The following KIF16B variants were observed in gnomAD, a reference collection of about 807,000 sequenced individuals.
The protein encoded by KIF16B is kinesin-like protein KIF16B.
In KIF16B, 98 loss-of-function variants were observed where a neutral mutation model predicts 156.3. That is an observed-to-expected ratio of 0.63 (90% CI 0.53 to 0.74). KIF16B has a LOEUF of 0.74. Among genes scored for constraint, KIF16B ranks in the 30% least tolerant of loss-of-function variants. The pLI is 0.00. For missense variants in KIF16B, 1,421 were observed against 1,606.5 expected, an observed-to-expected ratio of 0.88 and a Z score of 1.97; for synonymous variants, 564 against 583.7, an observed-to-expected ratio of 0.97 and a Z score of 0.49.
At chr20:16,291,544 A>G (rs6034445) in intron 25 of KIF16B, among the ~76,000 whole-genome samples, 51,713 of 152,120 alleles carry the variant, frequency 0.34, 8,943 homozygotes, top group African/African-American at 0.41. Context: ...GAGTTAAAAC[A>G]AAGTACTGGC....
intron 25 of KIF16B, among the ~76,000 whole-genome samples, chr20:16,277,920 C>T (rs1002205314): frequency 9.9e-5 from 15 of 152,198 alleles, no homozygotes; most frequent in African/African-American, 3.6e-4. Flanking sequence ...TCTTGTTCAC[C>T]TGGTGGACAG....
At position 16,273,231 on chromosome 20, in the gene KIF16B, G is replaced by A. The variant is rs1255526635; in HGVS notation, c.*22C>T. ...TTCGACGAGAAGGCACTGCTGTGGT[G>A]GTTCCTCCATCACCCCTGGCTCTAC... On this transcript the variant is annotated 3_prime_UTR_variant, in exon 26 of 26. Transcript: ENST00000354981. The A allele has an allele frequency of 6.2e-7, 1 of 1,609,520 alleles. No individual in the cohort carries two copies. Among genetic ancestry groups the A allele is most frequent in the East Asian group, 2.2e-5 (1 of 44,862 alleles).
intron 25 of KIF16B, among the ~76,000 whole-genome samples, chr20:16,297,871 GC>G (rs2063414163): frequency 6.6e-6 from 1 of 151,962 alleles, no homozygotes. Context: ...CCTAGTTTAG[GC>G]CACAATCATG....
chr20:16,554,152 A>C (rs6111175), intron 1 of KIF16B, among the ~76,000 whole-genome samples: 124,793 of 152,138 alleles, frequency 0.82, 51,639 homozygotes, highest in African/African-American at 0.94. Context: ...TGAGGAGGAC[A>C]TGAAGCCTGC....
chr20:16,477,133 T>TA (rs2067838293), intron 12 of KIF16B, among the ~76,000 whole-genome samples: 1 of 149,500 alleles, frequency 6.7e-6, no homozygotes, highest in African/African-American at 2.5e-5. Context: ...TGGGTCTACC[T>TA]AAAAAATTCT....
At chr20:16,336,542 G>A in intron 23 of KIF16B, among the ~76,000 whole-genome samples, 1 of 152,114 alleles carries the variant, frequency 6.6e-6, no homozygotes, top group Admixed American at 6.5e-5. Flanking sequence ...CTAAAGCACA[G>A]GCCAATGAAT....
rs139982271 is a variant in KIF16B, at chr20:16,378,931, G to A, written c.3071C>T (p.Thr1024Ile). 211 of 1,614,102 alleles carry A rather than the reference G, an allele frequency of 1.3e-4. No individual in the cohort carries two copies. The highest frequency in any genetic ancestry group is 7.8e-4 in the Admixed American group (47 of 60,026). ...CTGCTCTTCAATCTCCATGCCCAGGGTGGAGTGCCTCTGCAGCGCAGAATG... is the reference window on the plus strand; with the variant it reads ...CTGCTCTTCAATCTCCATGCCCAGGATGGAGTGCCTCTGCAGCGCAGAATG... The part of the protein sequence containing the change: ...RRHSALQRHS[T>I]LGMEIEEQRQ... The change falls in exon 19 of 26, where the codon ACC becomes ATC. Residue 1024 changes from threonine to isoleucine, a missense_variant. Physicochemically the swap from Thr to Ile is moderately conservative, Grantham distance 89. Coordinates refer to ENST00000354981, the MANE Select transcript of KIF16B (RefSeq NM_024704.5).
chr20:16,307,360 T>G (rs2063555913), intron 25 of KIF16B, among the ~76,000 whole-genome samples: 1 of 152,166 alleles, frequency 6.6e-6, no homozygotes, highest in African/African-American at 2.4e-5. Flanking sequence ...CTCATTAACT[T>G]GGGGCTAATT....
rs1237247610 is a variant in KIF16B, at chr20:16,371,710, A to T, written c.3402T>A (p.His1134Gln). 1 of 1,613,914 alleles carries T rather than the reference A, an allele frequency of 6.2e-7. No individual in the cohort carries two copies. The change falls in exon 21 of 26, where the codon CAT becomes CAA. Residue 1134 changes from histidine to glutamine, a missense_variant. Transcript: ENST00000354981. ...TACTGCAGCCTTCACTAATCACACG[A>T]TGCAAATCCTGAAGGCGTCTTTGGA... ...EEVQRRLQDLHRVISEGCSTS... is the reference protein window; with the variant it reads ...EEVQRRLQDLQRVISEGCSTS...
chr20:16,366,985 A>C, intron 22 of KIF16B: 3 of 1,308,132 alleles, frequency 2.3e-6, no homozygotes, highest in Non-Finnish European at 1.9e-6. Context: ...TTTATTGTAG[A>C]TATTTAAAAT....
rs143980864 is a variant in KIF16B at position 16,444,513 on chromosome 20, A to G, written c.1303-14531T>C. On this transcript the variant is annotated intron_variant, in intron 12 of 25. Coordinates refer to ENST00000354981, the MANE Select transcript of KIF16B (RefSeq NM_024704.5). ...AAATTGCCTGCTGCTTTTTGCTATC[A>G]TGGTGTAGTACCGTGGAGTACTTGC... Among the ~76,000 whole-genome samples, 1,259 of 152,278 alleles carry G rather than the reference A, an allele frequency of 8.3e-3. 7 individuals are homozygous for G. The highest frequency in any genetic ancestry group is 0.017 in the Middle Eastern group (5 of 294).
intron 23 of KIF16B, among the ~76,000 whole-genome samples, chr20:16,338,659 T>C (rs2064084651): frequency 6.6e-6 from 1 of 152,148 alleles, no homozygotes; most frequent in Non-Finnish European, 1.5e-5. Context: ...CTACTCTTGT[T>C]AAAACCAACT....
intron 11 of KIF16B, among the ~76,000 whole-genome samples, chr20:16,497,393 T>A (rs1340050928): frequency 6.6e-6 from 1 of 152,156 alleles, no homozygotes; most frequent in East Asian, 1.9e-4. Flanking sequence ...TAACTAACCA[T>A]CATGTGCCAG....
intron 17 of KIF16B, among the ~76,000 whole-genome samples, chr20:16,394,687 G>A (rs999599815): frequency 6.6e-6 from 1 of 151,824 alleles, no homozygotes; most frequent in Non-Finnish European, 1.5e-5. Flanking sequence ...CATAAATACT[G>A]CCAACTCCAT....
rs557552856 is a variant in KIF16B, at chr20:16,280,413, G to T, written c.3796-7002C>A. Among the ~76,000 whole-genome samples, 41 of 152,372 alleles carry T rather than the reference G, an allele frequency of 2.7e-4. No individual in the cohort carries two copies. In the Middle Eastern group the frequency reaches 0.01, roughly 38 times the overall value. On this transcript the variant is annotated intron_variant, in intron 25 of 25. Transcript: ENST00000354981. ...CAAGTTCAGCTAACAGTCTGAGCAA[G>T]AGAGCAAGGCCAAGGCCAGCCTGTG...
chr20:16,496,547 C>A (rs1418338599), intron 11 of KIF16B, among the ~76,000 whole-genome samples: 1 of 152,150 alleles, frequency 6.6e-6, no homozygotes, highest in East Asian at 1.9e-4. Context: ...CAGCAAAAAA[C>A]TAGATGATAA....
At chr20:16,479,766 C>T (rs2067926217) in intron 12 of KIF16B, among the ~76,000 whole-genome samples, 1 of 152,132 alleles carries the variant, frequency 6.6e-6, no homozygotes, top group Non-Finnish European at 1.5e-5. Context: ...ATAGGCCATA[C>T]CATATAGCCT....
At chr20:16,519,135 T>C (rs960717995) in intron 3 of KIF16B, among the ~76,000 whole-genome samples, 6 of 152,168 alleles carry the variant, frequency 3.9e-5, no homozygotes, top group Admixed American at 2.6e-4. Flanking sequence ...TTAAACAACA[T>C]AGCACATATG....
chr20:16,563,312 T>C (rs1001620947), intron 1 of KIF16B, among the ~76,000 whole-genome samples: 3 of 152,096 alleles, frequency 2.0e-5, no homozygotes, highest in African/African-American at 7.2e-5. Flanking sequence ...CCTGGAAGGA[T>C]TTTTTCCCCT....
Sources: gnomAD v4.1 joint callset for allele counts (sites outside exome capture counted in the v4.1 genomes callset) on GRCh38, gnomAD v4.1.1 for gene constraint, MANE v1.5 for transcripts, NCBI Gene and HGNC (gene_info 2026-07-23, HGNC 2026-07-21) for gene names.